The following TMEM100 variants were observed in gnomAD, a reference collection of about 807,000 sequenced individuals.
The protein encoded by TMEM100 is transmembrane protein 100.
For missense variants in TMEM100, 137 were observed against 168.2 expected, an observed-to-expected ratio of 0.81 and a Z score of 1.02; for synonymous variants, 61 against 67.1, an observed-to-expected ratio of 0.91 and a Z score of 0.44.
intron 1 of TMEM100, among the ~76,000 whole-genome samples, chr17:55,728,134 A>G (rs1295579928): frequency 6.6e-6 from 1 of 152,190 alleles, no homozygotes; most frequent in African/African-American, 2.4e-5. Context: ...TAACACAAGC[A>G]TCTAACATGT....
rs370834716 is a variant in TMEM100, at chr17:55,721,962, C to T, written c.-66+657G>A. On this transcript the variant is annotated intron_variant, in intron 1 of 1. Coordinates refer to ENST00000424486, the MANE Select transcript of TMEM100 (RefSeq NM_018286.3). ...TTCTATTAAGCTCAACACAAAATTT[C>T]GATATTATGTATACTACAACATGCA... The T allele has an allele frequency of 2.5e-4, 38 of 152,292 alleles. 2 individuals carry two copies. Among genetic ancestry groups the T allele is most frequent in the Admixed American group, 7.2e-4 (11 of 15,288 alleles). The allele number at this position is 152,292 out of a possible 1,614,324, so 9.4% of individuals were successfully genotyped here. A position where few individuals can be genotyped will look rare whatever the true frequency, so the allele number is the denominator to read the frequency against.
exon 1 of TMEM100, chr17:55,731,985 G>A (rs902379937): frequency 2.6e-5 from 4 of 152,276 alleles, no homozygotes; most frequent in Admixed American, 1.3e-4. Flanking sequence ...TATGTGACAG[G>A]ACACAGGAGC....
At chr17:55,721,444 A>C (rs1346250818) in intron 1 of TMEM100, 2 of 185,836 alleles carry the variant, frequency 1.1e-5, no homozygotes, top group Non-Finnish European at 2.3e-5. Context: ...AATACACAGA[A>C]ATGCCTGAAT....
At chr17:55,724,114 G>A (rs944909691), upstream of TMEM100, among the ~76,000 whole-genome samples, 7 of 152,122 alleles carry the variant, frequency 4.6e-5, no homozygotes. Context: ...TTAACTCTTG[G>A]AAGAGATTTG....
At position 55,720,529 on chromosome 17, in the gene TMEM100, C is replaced by CG; in HGVS notation, c.*136_*137insC. The CG allele has an allele frequency of 2.0e-6, 2 of 1,009,876 alleles. No homozygotes were observed. 62.6% of individuals were successfully genotyped at this position (1,009,876 alleles called of 1,614,324 possible). On this transcript the variant is annotated 3_prime_UTR_variant, in exon 2 of 2. Coordinates refer to ENST00000424486, the MANE Select transcript of TMEM100 (RefSeq NM_018286.3). ...GTCATTCCTCACAAAGGAGAAGCCC[C>CG]TCCACCCTCCCACCCCCATTCTTCC... is the stretch of plus-strand genomic sequence containing the variant.
At position 55,720,713 on chromosome 17, in the gene TMEM100, C is replaced by G; in HGVS notation, c.358G>C (p.Glu120Gln). 1.2e-6 allele frequency: 2 copies of G among 1,613,938 alleles called. No individual in the cohort carries two copies. The highest frequency in any genetic ancestry group is 1.7e-6 in the Non-Finnish European group (2 of 1,179,906). The change falls in exon 2 of 2, where the codon GAG (glutamate) becomes CAG (glutamine). Residue 120 changes from glutamate (E) to glutamine (Q), a missense_variant. Coordinates refer to ENST00000424486, the MANE Select transcript of TMEM100 (RefSeq NM_018286.3). ...TTTGCCACGAGAGCTGTTTGACTCT[C>G]CCGTCTCTTGGCTTTCTTGCTCCTT... ...RQRSKKAKRR[E>Q]SQTALVANQR...
chr17:55,726,507 G>A (rs968984756), upstream of TMEM100, among the ~76,000 whole-genome samples: 1 of 152,142 alleles, frequency 6.6e-6, no homozygotes. Context: ...CATGAAGTTC[G>A]CATTTTGTGA....
upstream of TMEM100, among the ~76,000 whole-genome samples, chr17:55,727,375 G>C (rs1597956790): frequency 6.6e-6 from 1 of 152,310 alleles, no homozygotes; most frequent in Admixed American, 6.5e-5. Context: ...CACTCCTAGG[G>C]TCAGCCTCCC....
upstream of TMEM100, among the ~76,000 whole-genome samples, chr17:55,723,242 C>G (rs1430744903): frequency 2.0e-5 from 3 of 152,268 alleles, no homozygotes; most frequent in Middle Eastern, 3.4e-3. Context: ...GTGGCAGAAA[C>G]AGCTGTGAAG....
intron 1 of TMEM100, among the ~76,000 whole-genome samples, chr17:55,728,476 C>T (rs542080341): frequency 2.6e-4 from 40 of 152,214 alleles, no homozygotes; most frequent in African/African-American, 8.7e-4. Context: ...GGTTTGAGGC[C>T]GGGACAGACA....
chr17:55,723,885 C>A (rs892573896), upstream of TMEM100, among the ~76,000 whole-genome samples: 7 of 152,188 alleles, frequency 4.6e-5, no homozygotes, highest in African/African-American at 1.7e-4. Context: ...ACCCCATAAA[C>A]CTGTAAGTGA....
At chr17:55,726,917 G>A (rs1909089485), upstream of TMEM100, among the ~76,000 whole-genome samples, 1 of 152,160 alleles carries the variant, frequency 6.6e-6, no homozygotes, top group South Asian at 2.1e-4. Flanking sequence ...ATAGTACCAA[G>A]AGGAACAATG....
upstream of TMEM100, among the ~76,000 whole-genome samples, chr17:55,727,559 C>T (rs185199820): frequency 2.6e-4 from 40 of 152,284 alleles, no homozygotes; most frequent in African/African-American, 9.6e-4. Context: ...GAAATCTCCC[C>T]CTAGTCTCAG....
At chr17:55,721,652 C>T (rs745560234) in intron 1 of TMEM100, 1 of 153,080 alleles carries the variant, frequency 6.5e-6, no homozygotes, top group Non-Finnish European at 1.5e-5. Context: ...ATGTTCTTCT[C>T]CATTGAATGA....
At chr17:55,728,088 C>T (rs1351477680) in intron 1 of TMEM100, 3 of 152,182 alleles carry the variant, frequency 2.0e-5, no homozygotes, top group Non-Finnish European at 4.4e-5. Context: ...AACTGACGCA[C>T]ACAATGTGCT....
At chr17:55,732,075 C>T (rs1474356215) in exon 1 of TMEM100, 1 of 152,356 alleles carries the variant, frequency 6.6e-6, no homozygotes, top group African/African-American at 2.4e-5. Flanking sequence ...GCGGGACCAA[C>T]AAGGCTTTTG....
chr17:55,726,296 A>T (rs1909072422), upstream of TMEM100, among the ~76,000 whole-genome samples: 1 of 152,200 alleles, frequency 6.6e-6, no homozygotes, highest in African/African-American at 2.4e-5. Flanking sequence ...ACAAAATGAA[A>T]GACAAAGTTA....
upstream of TMEM100, among the ~76,000 whole-genome samples, chr17:55,726,366 A>AG (rs1319064870): frequency 6.6e-6 from 1 of 152,082 alleles, no homozygotes; most frequent in East Asian, 1.9e-4. Flanking sequence ...TACTATGACA[A>AG]AGAGGTCATT....
At chr17:55,724,119 G>T (rs1908999494), upstream of TMEM100, among the ~76,000 whole-genome samples, 1 of 152,152 alleles carries the variant, frequency 6.6e-6, no homozygotes, top group Non-Finnish European at 1.5e-5. Context: ...TCTTGGAAGA[G>T]ATTTGTTTTC....
Sources: allele counts gnomAD v4.1 joint callset (sites outside exome capture counted in the v4.1 genomes callset), GRCh38; gene constraint gnomAD v4.1.1; transcripts MANE v1.5; gene names NCBI Gene and HGNC (gene_info 2026-07-23, HGNC 2026-07-21).